Variants in ATAD2B observed in about 807,000 individuals in gnomAD.
ATAD2B encodes ATPase family AAA domain-containing protein 2B.
A neutral mutation model predicts 167.6 loss-of-function variants in ATAD2B; 40 were observed. The ratio of observed to expected loss-of-function variants is 0.24; its 90% confidence interval spans 0.19 to 0.31. The LOEUF (loss-of-function observed/expected upper bound fraction) is 0.31. Among genes scored for constraint, ATAD2B ranks in the 10% least tolerant of loss-of-function variants. The pLI, the probability that ATAD2B is intolerant of heterozygous loss-of-function variation, is 1.00. For missense variants in ATAD2B, 1,242 were observed against 1,757.2 expected (o/e 0.71, Z 5.24); for synonymous variants, 579 against 596.5 (o/e 0.97, Z 0.43).
At chr2:23,854,385 G>C (rs1041194772) in intron 13 of ATAD2B, among the ~76,000 whole-genome samples, 11 of 151,716 alleles carry the variant, frequency 7.3e-5, no homozygotes, top group Non-Finnish European at 1.0e-4. Flanking sequence ...TAAATATTAA[G>C]AGCTAACACT....
Position 23,783,039 on chromosome 2 carries a change from T to A in ATAD2B, c.2974-11A>T. 7.2e-7 allele frequency: 1 copy of A among 1,380,656 alleles called. No individual in the cohort carries two copies. The highest frequency in any genetic ancestry group is 9.8e-7 in the Non-Finnish European group (1 of 1,024,538). 85.5% of individuals were successfully genotyped at this position (1,380,656 alleles called of 1,614,324 possible). ...AAGATAATCTGAAACCTAAAACAGA[T>A]ATTTTAATAAAAATTACTTCCAGTT... On this transcript the variant is annotated splice_polypyrimidine_tract_variant and intron_variant, in intron 21 of 27. Transcript: ENST00000238789.
chr2:23,888,274 A>G, intron 3 of ATAD2B, 76 bp downstream of exon 3: 1 of 1,033,340 alleles, frequency 9.7e-7, no homozygotes, highest in South Asian at 1.5e-5. Context: ...AAATCACTCT[A>G]TTTTTCCCCA....
intron 17 of ATAD2B, among the ~76,000 whole-genome samples, chr2:23,816,185 C>A (rs1254366753): frequency 6.6e-6 from 1 of 152,216 alleles, no homozygotes; most frequent in East Asian, 1.9e-4. Context: ...ATACTACTCT[C>A]ATACATTAGT....
intron 1 of ATAD2B, among the ~76,000 whole-genome samples, chr2:23,904,558 T>A (rs2150452042): frequency 6.6e-6 from 1 of 150,574 alleles, no homozygotes; most frequent in African/African-American, 2.4e-5. Context: ...TTTTTTTCTT[T>A]AAGAAAAGAC....
At chr2:23,746,036 T>C (rs991042888), downstream of ATAD2B, among the ~76,000 whole-genome samples, 4 of 152,248 alleles carry the variant, frequency 2.6e-5, no homozygotes, top group African/African-American at 9.6e-5. Flanking sequence ...TGTTGTTCCT[T>C]CTGCCTGGAA....
rs753298560 is a variant in ATAD2B, at chr2:23,758,015, C to G, written c.3481G>C (p.Glu1161Gln). ...TAGTCTGCAAATTTGGTGTCTTCTT[C>G]ATCTTTTTTTAAATTATTAACTTTC... ...KRKVNNLKKD[E>Q]EDTKFADYEN... The change falls in exon 25 of 28, where the codon GAA (glutamate) becomes CAA (glutamine). Residue 1161 changes from glutamate to glutamine, a missense_variant. Physicochemically the swap from Glu to Gln is conservative, Grantham distance 29 (BLOSUM62 2). Around this residue, in one of 9 missense-constraint regions of ATAD2B, gnomAD observed 282 missense variants for 346.8 expected, o/e 0.81. Transcript: ENST00000238789. 1.2e-6 allele frequency: 2 copies of G among 1,610,352 alleles called. No homozygotes were observed. Among genetic ancestry groups the G allele is most frequent in the South Asian group, 1.1e-5 (1 of 90,188 alleles).
At chr2:23,839,628 G>A (rs1408418423) in intron 13 of ATAD2B, among the ~76,000 whole-genome samples, 1 of 151,904 alleles carries the variant, frequency 6.6e-6, no homozygotes, top group Middle Eastern at 3.2e-3. Context: ...ATATCTTCCT[G>A]ATGTAAAGCT....
the ATAD2B span, chr2:23,693,632 C>T: frequency 2.4e-6 from 3 of 1,225,516 alleles, no homozygotes; most frequent in Non-Finnish European, 3.4e-6. Context: ...CCTTGTCCTG[C>T]TCTCCCTAAG....
the ATAD2B span, among the ~76,000 whole-genome samples, chr2:23,712,408 T>C: frequency 6.6e-6 from 1 of 152,048 alleles, no homozygotes; most frequent in Non-Finnish European, 1.5e-5. Context: ...GGGACTGGGG[T>C]AAGGAAAGAG....
chr2:23,829,712 C>T (rs555796002), intron 14 of ATAD2B, among the ~76,000 whole-genome samples: 1 of 152,170 alleles, frequency 6.6e-6, no homozygotes, highest in Admixed American at 6.5e-5. Flanking sequence ...GCTGTGATTA[C>T]GCCACTGCAT....
At chr2:23,716,637 GA>G in the ATAD2B span, among the ~76,000 whole-genome samples, 1 of 152,166 alleles carries the variant, frequency 6.6e-6, no homozygotes, top group African/African-American at 2.4e-5. Context: ...CACTTCCCAA[GA>G]ATGGAATTCT....
In ATAD2B at chr2:23,860,848, A is replaced by T. The variant is rs574785930; in HGVS notation, c.1479+2533T>A. 4.6e-5 allele frequency among the ~76,000 whole-genome samples: 7 copies of T among 152,260 alleles called. No individual in the cohort carries two copies. In the South Asian group the frequency reaches 1.5e-3, roughly 32 times the overall value. ...TAGCTGGACATGGTGGCAGGTGCCC[A>T]TAATCCCAGCTACTTGGGAGACTAA... On this transcript the variant is annotated intron_variant, in intron 12 of 27. Coordinates refer to ENST00000238789, the MANE Select transcript of ATAD2B (RefSeq NM_017552.4).
chr2:23,769,407 TC>T (rs1200533287), intron 22 of ATAD2B, among the ~76,000 whole-genome samples: 1 of 152,066 alleles, frequency 6.6e-6, no homozygotes, highest in Non-Finnish European at 1.5e-5. Flanking sequence ...GCCACTGCAC[TC>T]CAGCCTGGGT....
At chr2:23,761,045 G>C (rs1676679564) in intron 24 of ATAD2B, among the ~76,000 whole-genome samples, 1 of 152,162 alleles carries the variant, frequency 6.6e-6, no homozygotes, top group African/African-American at 2.4e-5. Context: ...TTCTTCAAGT[G>C]AATAGTCAAT....
the ATAD2B span, among the ~76,000 whole-genome samples, chr2:23,743,482 G>A: frequency 2.7e-5 from 4 of 150,608 alleles, no homozygotes; most frequent in East Asian, 3.9e-4. Flanking sequence ...AGAATCGCTC[G>A]AACCCGGGAG....
intron 22 of ATAD2B, among the ~76,000 whole-genome samples, chr2:23,775,496 GC>G (rs1269122189): frequency 6.6e-6 from 1 of 152,118 alleles, no homozygotes; most frequent in African/African-American, 2.4e-5. Flanking sequence ...ACAGGCGTGA[GC>G]CACCGTGCCC....
At chr2:23,730,665 CA>C in the ATAD2B span, among the ~76,000 whole-genome samples, 10 of 31,986 alleles carry the variant, frequency 3.1e-4, no homozygotes, top group African/African-American at 8.0e-4. Context: ...GACTCCGTTT[CA>C]AAAAAAAAAA....
At chr2:23,907,977 C>T (rs892634690) in intron 1 of ATAD2B, among the ~76,000 whole-genome samples, 2 of 151,962 alleles carry the variant, frequency 1.3e-5, no homozygotes, top group African/African-American at 4.8e-5. Flanking sequence ...ACACCTTATA[C>T]AAAAATCAAT....
At chr2:23,720,034 AT>A in the ATAD2B span, among the ~76,000 whole-genome samples, 1 of 152,116 alleles carries the variant, frequency 6.6e-6, no homozygotes, top group Non-Finnish European at 1.5e-5. Context: ...CTCTCCAATC[AT>A]TTACTAGGGC....
Sources: allele counts gnomAD v4.1 joint callset (sites outside exome capture counted in the v4.1 genomes callset), GRCh38; gene constraint gnomAD v4.1.1; regional missense constraint gnomAD v4.1.1; transcripts MANE v1.5; gene names NCBI Gene and HGNC (gene_info 2026-07-23, HGNC 2026-07-21).